The following ANK3 variants were observed in gnomAD, a reference collection of about 807,000 sequenced individuals.
ANK3 encodes the protein ankyrin-3.
ANK3 carries 57 observed loss-of-function variants against 370.9 expected under a neutral mutation model. The observed-to-expected ratio is 0.15, with a 90% CI of 0.12 to 0.19. ANK3 has a LOEUF of 0.19. Among genes scored for constraint, ANK3 ranks in the 10% least tolerant of loss-of-function variants. The probability of loss-of-function intolerance (pLI) is 1.00; values close to 1 mark genes in which losing one functional copy is unlikely to be tolerated. For synonymous variants in ANK3, 1,929 were observed against 1,946.3 expected, an observed-to-expected ratio of 0.99 and a Z score of 0.23; for missense variants, 4,439 against 5,302.1, an observed-to-expected ratio of 0.84 and a Z score of 5.06.
chr10:60,505,330 T>C (rs970845381), intron 2 of ANK3, among the ~76,000 whole-genome samples: 7 of 152,026 alleles, frequency 4.6e-5, no homozygotes, highest in Admixed American at 4.6e-4. Context: ...ATATAAATTA[T>C]ATTTTTGAAA....
intron 2 of ANK3, among the ~76,000 whole-genome samples, chr10:60,474,950 A>T (rs1056227190): frequency 2.0e-5 from 3 of 152,272 alleles, no homozygotes; most frequent in Non-Finnish European, 4.4e-5. Context: ...ATATTTTAAA[A>T]TATCTAAAAG....
In ANK3 at chr10:60,437,674, G is replaced by A. The variant is rs555587969; in HGVS notation, c.97-158035C>T. Among the ~76,000 whole-genome samples the A allele has an allele frequency of 2.3e-3, 356 of 152,286 alleles. 1 individual carries two copies. The highest frequency in any genetic ancestry group is 8.2e-3 in the African/African-American group (342 of 41,550). ...CTCGAGCAGAAGGATATGGTAGAAAGGATTCCTACAGTGTGCATAAGGGGG... is the reference window on the plus strand; with the variant it reads ...CTCGAGCAGAAGGATATGGTAGAAAAGATTCCTACAGTGTGCATAAGGGGG... On this transcript the variant is annotated intron_variant, in intron 2 of 43. Coordinates refer to the ANK3 transcript ENST00000373827.
At chr10:60,421,173 C>T (rs7092883) in intron 2 of ANK3, among the ~76,000 whole-genome samples, 12 of 151,552 alleles carry the variant, frequency 7.9e-5, no homozygotes, top group South Asian at 2.1e-4. Flanking sequence ...ATTTCCGGAG[C>T]GAAGAGGAGA....
intron 42 of ANK3, chr10:60,044,357 T>C: frequency 1.0e-6 from 1 of 982,114 alleles, no homozygotes; most frequent in Non-Finnish European, 1.2e-6. Flanking sequence ...CCCTAAAGGA[T>C]GTGGCATAAA....
chr10:60,370,740 T>G (rs1384320963), intron 1 of ANK3, among the ~76,000 whole-genome samples: 1 of 152,194 alleles, frequency 6.6e-6, no homozygotes, highest in East Asian at 1.9e-4. Flanking sequence ...GTAATTATTC[T>G]CCAGGTTTCT....
intron 23 of ANK3, among the ~76,000 whole-genome samples, chr10:60,153,095 T>A (rs2095208317): frequency 6.6e-6 from 1 of 152,190 alleles, no homozygotes; most frequent in African/African-American, 2.4e-5. Context: ...AGTGGATAAC[T>A]CAGTGTGGTA....
Position 60,073,394 on chromosome 10 carries a change from T to G in ANK3, c.7487A>C (p.Gln2496Pro), listed in dbSNP as rs368439840. 31 of 1,613,682 alleles carry G rather than the reference T, an allele frequency of 1.9e-5. No individual in the cohort carries two copies. Among genetic ancestry groups the G allele is most frequent in the Non-Finnish European group, 2.5e-5 (30 of 1,180,008 alleles). Residue 2496 changes from glutamine (Q) to proline (P), a missense_variant, in exon 37 of 44, where the codon CAG becomes CCG. Physicochemically the swap from Gln to Pro is moderately conservative, Grantham distance 76. Around this residue, in one of 13 missense-constraint regions of ANK3, gnomAD observed 1,601 missense variants for 1,731.7 expected, o/e 0.92. Transcript: ENST00000280772. ...TTCTCTGGACCGCTTATCAGACCCC[T>G]GTAACTCTGAGCTAGGGGGTCCTGC... ...DHAGPPSSEL[Q>P]GSDKRSREKI...
chr10:60,714,510 A>G (rs2079754694), intron 1 of ANK3, among the ~76,000 whole-genome samples: 2 of 152,212 alleles, frequency 1.3e-5, no homozygotes, highest in African/African-American at 4.8e-5. Context: ...AAATCCAGTA[A>G]TGTATAAAAA....
chr10:60,254,471 G>A (rs1435681811), intron 7 of ANK3, among the ~76,000 whole-genome samples: 1 of 152,130 alleles, frequency 6.6e-6, no homozygotes, highest in African/African-American at 2.4e-5. Flanking sequence ...GTCCTTTCTA[G>A]CATCTTCTGG....
At chr10:60,500,924 C>A (rs2075779607) in intron 2 of ANK3, among the ~76,000 whole-genome samples, 1 of 152,078 alleles carries the variant, frequency 6.6e-6, no homozygotes, top group African/African-American at 2.4e-5. Flanking sequence ...TGTTATTAAA[C>A]AAATATTACC....
At chr10:60,545,856 C>T (rs1023689855) in intron 2 of ANK3, among the ~76,000 whole-genome samples, 10 of 152,176 alleles carry the variant, frequency 6.6e-5, no homozygotes, top group Non-Finnish European at 1.0e-4. Context: ...CCTGTGCTAT[C>T]AACCACTTAC....
Position 60,075,991 on chromosome 10 carries a change from T to A in ANK3, c.4890A>T (p.Ala1630=). 1 of 1,614,182 alleles carries A rather than the reference T, an allele frequency of 6.2e-7. No homozygotes were observed. Among genetic ancestry groups the A allele is most frequent in the Non-Finnish European group, 8.5e-7 (1 of 1,180,012 alleles). ...FSSRTSPVTT[A]GSLLERSSIT... ...TTGATGACCTCTCCAAAAGAGACCCTGCTGTAGTCACTGGAGAGGTTCGAG... is the reference window on the plus strand; with the variant it reads ...TTGATGACCTCTCCAAAAGAGACCCAGCTGTAGTCACTGGAGAGGTTCGAG... Residue 1630 remains alanine (A), a synonymous_variant, in exon 37 of 44, where the codon GCA becomes GCT. Transcript: ENST00000280772.
chr10:60,167,031 A>G, intron 21 of ANK3, 135 bp from the exon 22 acceptor site: 1 of 749,866 alleles, frequency 1.3e-6, no homozygotes, highest in Non-Finnish European at 2.2e-6. Context: ...ATATAAAATA[A>G]CATCAAAATT....
intron 1 of ANK3, among the ~76,000 whole-genome samples, chr10:60,619,885 C>T (rs2078313190): frequency 1.3e-5 from 2 of 152,204 alleles, no homozygotes; most frequent in African/African-American, 4.8e-5. Flanking sequence ...AATCATGGTT[C>T]GTTTCTCAGC....
chr10:60,264,471 C>A (rs945029173), intron 5 of ANK3, among the ~76,000 whole-genome samples: 3 of 151,854 alleles, frequency 2.0e-5, no homozygotes, highest in Non-Finnish European at 4.4e-5. Flanking sequence ...CATTGTGAAA[C>A]CCCGTCTCTA....
rs749747980 is a variant in ANK3 at position 60,069,649 on chromosome 10, C to A, written c.11232G>T (p.Lys3744Asn). ...KKEGPGEITDKIEAVMTSCQG... is the reference protein window; with the variant it reads ...KKEGPGEITDNIEAVMTSCQG... ...GACAACTGGTCATCACCGCTTCTAT[C>A]TTATCTGTTATTTCTCCAGGGCCTT... Residue 3744 changes from lysine to asparagine, a missense_variant, in exon 37 of 44, where the codon AAG becomes AAT. This residue lies in a region of ANK3 where 496 missense variants were observed against 529.3 expected (regional missense o/e 0.94). Coordinates refer to ENST00000280772, the MANE Select transcript of ANK3 (RefSeq NM_020987.5). 6.2e-7 allele frequency: 1 copy of A among 1,614,096 alleles called. No homozygotes were observed. Among genetic ancestry groups the A allele is most frequent in the East Asian group, 2.2e-5 (1 of 44,878 alleles).
At chr10:60,565,446 G>T (rs750025050) in intron 2 of ANK3, among the ~76,000 whole-genome samples, 1 of 152,148 alleles carries the variant, frequency 6.6e-6, no homozygotes, top group African/African-American at 2.4e-5. Flanking sequence ...ATCAGTCCAC[G>T]TCACAGGGGT....
At chr10:60,577,560 C>T (rs924187642) in intron 2 of ANK3, among the ~76,000 whole-genome samples, 1 of 152,092 alleles carries the variant, frequency 6.6e-6, no homozygotes, top group African/African-American at 2.4e-5. Flanking sequence ...TTCTGTTACT[C>T]TCTCTTGTTT....
intron 14 of ANK3, among the ~76,000 whole-genome samples, 157 bp downstream of exon 14, chr10:60,198,183 T>C (rs1420091841): frequency 1.3e-5 from 2 of 152,104 alleles, no homozygotes; most frequent in Non-Finnish European, 2.9e-5. Context: ...CCAGTTACCC[T>C]CTCCCACCAC....
Sources: allele counts gnomAD v4.1 joint callset (sites outside exome capture counted in the v4.1 genomes callset), GRCh38; gene constraint gnomAD v4.1.1; regional missense constraint gnomAD v4.1.1; transcripts MANE v1.5; gene names NCBI Gene and HGNC (gene_info 2026-07-23, HGNC 2026-07-21).